Variants in TOM1L2 observed in about 807,000 individuals in gnomAD.
The protein encoded by TOM1L2 is TOM1-like protein 2.
A neutral mutation model predicts 67.9 loss-of-function variants in TOM1L2; 31 were observed. The ratio of observed to expected loss-of-function variants is 0.46; its 90% confidence interval spans 0.34 to 0.62. The LOEUF (loss-of-function observed/expected upper bound fraction) is 0.62, where lower values mean the gene tolerates loss of function less well. Among genes scored for constraint, TOM1L2 ranks in the 20% least tolerant of loss-of-function variants. The probability of loss-of-function intolerance (pLI) is 0.01; values close to 1 mark genes in which losing one functional copy is unlikely to be tolerated. For missense variants in TOM1L2, 606 were observed against 663.5 expected (o/e 0.91, Z 0.95); for synonymous variants, 256 against 254.0 (o/e 1.01, Z -0.07).
chr17:17,887,386 TC>T (rs1299654116), intron 4 of TOM1L2, among the ~76,000 whole-genome samples: 2 of 152,186 alleles, frequency 1.3e-5, no homozygotes, highest in African/African-American at 4.8e-5. Context: ...GCTCTGGGTG[TC>T]TCTCATCTCT....
chr17:17,865,805 T>C (rs57262667), intron 10 of TOM1L2, among the ~76,000 whole-genome samples: 8,475 of 144,736 alleles, frequency 0.059, 719 homozygotes, highest in African/African-American at 0.19. Context: ...AGTGCAATGA[T>C]GCGATATCGG....
intron 5 of TOM1L2, among the ~76,000 whole-genome samples, chr17:17,883,230 T>A (rs2037820643): frequency 6.6e-6 from 1 of 152,150 alleles, no homozygotes; most frequent in African/African-American, 2.4e-5. Flanking sequence ...TAATCACAGA[T>A]CTTTACTTGG....
rs567253944 is a variant in TOM1L2, at chr17:17,855,158, AG to A, written c.1279-4207del. Among the ~76,000 whole-genome samples the A allele has an allele frequency of 2.8e-4, 43 of 152,306 alleles. 1 individual carries two copies. In the South Asian group the frequency reaches 8.5e-3, roughly 30 times the overall value. On this transcript the variant is annotated intron_variant, in intron 12 of 14. Transcript: ENST00000379504. ...GTGGCAGGTGAGCCATCCTGCTGTC[AG>A]CTGATTCTCACTTGGAACTGCAGGC... is the stretch of plus-strand genomic sequence containing the variant.
At chr17:17,879,932 A>C (rs1474859459) in intron 6 of TOM1L2, among the ~76,000 whole-genome samples, 189 bp from the exon 7 acceptor site, 1 of 152,066 alleles carries the variant, frequency 6.6e-6, no homozygotes, top group Non-Finnish European at 1.5e-5. Flanking sequence ...GCTCTGAGAG[A>C]GCTGAATGGG....
chr17:17,861,018 G>A (rs995277569), intron 12 of TOM1L2, among the ~76,000 whole-genome samples: 7 of 152,178 alleles, frequency 4.6e-5, no homozygotes, highest in African/African-American at 7.2e-5. Flanking sequence ...GATGTGGCTC[G>A]GGTCAGCATT....
intron 1 of TOM1L2, among the ~76,000 whole-genome samples, chr17:17,920,940 C>T (rs1011254564): frequency 6.6e-6 from 1 of 152,154 alleles, no homozygotes; most frequent in Non-Finnish European, 1.5e-5. Context: ...AGGCAGTTCA[C>T]ATCTTACATA....
chr17:17,895,380 G>A (rs2038513540), intron 3 of TOM1L2, among the ~76,000 whole-genome samples: 1 of 152,162 alleles, frequency 6.6e-6, no homozygotes, highest in Admixed American at 6.6e-5. Context: ...ATCCCACAGG[G>A]CTAGGTCCAA....
chr17:17,930,414 C>A (rs1449062367), intron 1 of TOM1L2, among the ~76,000 whole-genome samples: 1 of 152,134 alleles, frequency 6.6e-6, no homozygotes, highest in Non-Finnish European at 1.5e-5. Flanking sequence ...TTGGTAGGCA[C>A]AAGGAGGACT....
At chr17:17,920,424 G>A (rs971014297) in intron 1 of TOM1L2, among the ~76,000 whole-genome samples, 27 of 123,896 alleles carry the variant, frequency 2.2e-4, no homozygotes, top group African/African-American at 3.8e-4. Flanking sequence ...CACCACAACC[G>A]CCGGCTCCCG....
At chr17:17,891,299 T>G (rs2038258368) in intron 4 of TOM1L2, among the ~76,000 whole-genome samples, 1 of 152,202 alleles carries the variant, frequency 6.6e-6, no homozygotes, top group Non-Finnish European at 1.5e-5. Flanking sequence ...AAGTTCCATT[T>G]TACAGATAAG....
rs111650396 is a variant in TOM1L2, at chr17:17,846,558, G to C, written c.*1077C>G. 0.016 allele frequency: 2,461 copies of C among 152,698 alleles called. 25 individuals carry two copies. The highest frequency in any genetic ancestry group is 0.027 in the Middle Eastern group (8 of 298). 9.5% of individuals were successfully genotyped at this position (152,698 alleles called of 1,614,324 possible). A position where few individuals can be genotyped will look rare whatever the true frequency, so the allele number is the denominator to read the frequency against. ...GGACCTCTGAGGTGGGAGGAGGCCA[G>C]ACTGTCAGGAGAGTCTGTGCAAGGA... On this transcript the variant is annotated 3_prime_UTR_variant, in exon 15 of 15. Coordinates refer to ENST00000379504, the MANE Select transcript of TOM1L2 (RefSeq NM_001082968.2).
intron 6 of TOM1L2, among the ~76,000 whole-genome samples, chr17:17,880,550 T>C (rs1416704197): frequency 2.0e-5 from 3 of 152,132 alleles, no homozygotes; most frequent in Non-Finnish European, 4.4e-5. Context: ...CACAGTGAAA[T>C]ATCATAGAAG....
At chr17:17,952,371 ATTTTCTTTTT>A (rs2041239520) in intron 1 of TOM1L2, among the ~76,000 whole-genome samples, 1 of 31,126 alleles carries the variant, frequency 3.2e-5, no homozygotes, top group Non-Finnish European at 5.8e-5. Flanking sequence ...GTGCTTCTTT[ATTTTCTTTTT>A]TTTTTTTTTT....
intron 12 of TOM1L2, among the ~76,000 whole-genome samples, chr17:17,856,139 T>C (rs2036241521): frequency 6.6e-6 from 1 of 152,150 alleles, no homozygotes; most frequent in Non-Finnish European, 1.5e-5. Context: ...TCAGGGGAGT[T>C]TGTGTGGGCA....
At chr17:17,955,545 T>C (rs1013956783) in intron 1 of TOM1L2, among the ~76,000 whole-genome samples, 1 of 152,086 alleles carries the variant, frequency 6.6e-6, no homozygotes, top group Non-Finnish European at 1.5e-5. Flanking sequence ...TTCACCATAT[T>C]GGCCAGGACA....
intron 1 of TOM1L2, among the ~76,000 whole-genome samples, chr17:17,929,658 A>G (rs1159668670): frequency 6.6e-6 from 1 of 152,218 alleles, no homozygotes; most frequent in Non-Finnish European, 1.5e-5. Flanking sequence ...AATGTCAGGA[A>G]GAAATCCATA....
intron 1 of TOM1L2, among the ~76,000 whole-genome samples, chr17:17,934,556 G>A (rs2040446681): frequency 6.6e-6 from 1 of 152,156 alleles, no homozygotes. Flanking sequence ...GAGTAATTAT[G>A]TCTTACTGTG....
intron 4 of TOM1L2, among the ~76,000 whole-genome samples, chr17:17,887,677 T>C (rs1251201173): frequency 3.3e-5 from 5 of 152,184 alleles, no homozygotes; most frequent in African/African-American, 7.2e-5. Flanking sequence ...GGTTTCATCA[T>C]GTGGCCTAGG....
intron 3 of TOM1L2, among the ~76,000 whole-genome samples, chr17:17,894,963 A>G (rs527260871): frequency 7.1e-6 from 1 of 141,604 alleles, no homozygotes; most frequent in African/African-American, 2.9e-5. Context: ...ATACATACAT[A>G]CATACATACA....
Sources: gnomAD v4.1 joint callset for allele counts (sites outside exome capture counted in the v4.1 genomes callset) on GRCh38, gnomAD v4.1.1 for gene constraint, MANE v1.5 for transcripts, NCBI Gene and HGNC (gene_info 2026-07-23, HGNC 2026-07-21) for gene names.